PCMT1: variants seen among roughly 807,000 people sequenced by gnomAD.
The protein encoded by PCMT1 is protein-L-isoaspartate(D-aspartate) O-methyltransferase.
In PCMT1, 9 loss-of-function variants were observed where a neutral mutation model predicts 29.2. That is an observed-to-expected ratio of 0.31 (90% confidence interval 0.19 to 0.54). The LOEUF (loss-of-function observed/expected upper bound fraction) is 0.54, where lower values mean the gene tolerates loss of function less well. Ranked by LOEUF, PCMT1 falls within the 20% of genes least tolerant of loss-of-function variation. The pLI, the probability that PCMT1 is intolerant of heterozygous loss-of-function variation, is 0.95. For missense variants in PCMT1, 184 were observed against 282.2 expected, an observed-to-expected ratio of 0.65 and a Z score of 2.49; for synonymous variants, 98 against 97.5, an observed-to-expected ratio of 1.00 and a Z score of -0.03.
At chr6:149,752,036 G>GTTTTTTTT (rs60405304) in intron 1 of PCMT1, among the ~76,000 whole-genome samples, 1 of 122,802 alleles carries the variant, frequency 8.1e-6, no homozygotes, top group Admixed American at 9.5e-5. Context: ...AATTTTTAGG[G>GTTTTTTTT]TTTTTTTTTT....
At chr6:149,766,447 G>T (rs1787088926) in intron 1 of PCMT1, among the ~76,000 whole-genome samples, 1 of 152,164 alleles carries the variant, frequency 6.6e-6, no homozygotes, top group African/African-American at 2.4e-5. Context: ...TTCACCAGTT[G>T]TAAGAATACA....
intron 3 of PCMT1, among the ~76,000 whole-genome samples, chr6:149,785,986 G>A (rs111663648): frequency 3.4e-5 from 5 of 149,060 alleles, no homozygotes; most frequent in South Asian, 2.1e-4. Context: ...AGGGGCGGCC[G>A]GGCAGAGGCG....
At chr6:149,793,229 T>C (rs1788449005) in intron 4 of PCMT1, among the ~76,000 whole-genome samples, 2 of 152,090 alleles carry the variant, frequency 1.3e-5, no homozygotes, top group South Asian at 4.1e-4. Context: ...TTTAAAGTTA[T>C]ACTTTAGATG....
At chr6:149,788,819 T>G (rs764666376) in intron 3 of PCMT1, among the ~76,000 whole-genome samples, 3 of 152,246 alleles carry the variant, frequency 2.0e-5, no homozygotes, top group Non-Finnish European at 4.4e-5. Context: ...TCCACTAGTT[T>G]TAGCTTCCAT....
intron 2 of PCMT1, chr6:149,772,514 A>G (rs1292578049): frequency 4.6e-6 from 2 of 433,992 alleles, no homozygotes; most frequent in Non-Finnish European, 4.5e-6. Flanking sequence ...CAAGCCAAAA[A>G]TATATCAACT....
At chr6:149,778,175 C>T (rs1229146088) in intron 3 of PCMT1, among the ~76,000 whole-genome samples, 1 of 150,844 alleles carries the variant, frequency 6.6e-6, no homozygotes, top group African/African-American at 2.4e-5. Context: ...CTGTGTCTGG[C>T]GTGTTATCAA....
At chr6:149,760,117 A>T (rs1786677559) in intron 1 of PCMT1, among the ~76,000 whole-genome samples, 1 of 151,912 alleles carries the variant, frequency 6.6e-6, no homozygotes. Flanking sequence ...ATTTTTTCCT[A>T]GTGTACTGAT....
chr6:149,765,715 C>G (rs563903621), intron 1 of PCMT1: 25 of 344,122 alleles, frequency 7.3e-5, no homozygotes, highest in Middle Eastern at 9.9e-4. Flanking sequence ...ACCTGTAATA[C>G]CAGCACTTTG....
intron 3 of PCMT1, among the ~76,000 whole-genome samples, chr6:149,786,564 G>A (rs1472487909): frequency 3.8e-5 from 3 of 78,642 alleles, no homozygotes; most frequent in South Asian, 4.0e-4. Flanking sequence ...CAGACGGGGC[G>A]GTTGCCAGGC....
At chr6:149,788,402 A>T (rs991197646) in intron 3 of PCMT1, among the ~76,000 whole-genome samples, 1 of 152,186 alleles carries the variant, frequency 6.6e-6, no homozygotes. Flanking sequence ...TTTGATTGTC[A>T]TGTCTTTTTA....
intron 5 of PCMT1, chr6:149,795,546 T>G: frequency 2.0e-6 from 1 of 488,880 alleles, no homozygotes; most frequent in East Asian, 5.4e-5. Flanking sequence ...TTTGTTTGGA[T>G]CTGGCCGAGA....
At chr6:149,786,048 ACCTC>A (rs1407449715) in intron 3 of PCMT1, among the ~76,000 whole-genome samples, 2 of 121,468 alleles carry the variant, frequency 1.6e-5, no homozygotes, top group African/African-American at 3.3e-5. Flanking sequence ...TGACCCCCCC[ACCTC>A]CCTCCCGGAC....
chr6:149,781,657 C>G (rs1391895421), intron 3 of PCMT1, among the ~76,000 whole-genome samples: 1 of 152,132 alleles, frequency 6.6e-6, no homozygotes, highest in Non-Finnish European at 1.5e-5. Flanking sequence ...TAACTGGCCT[C>G]TTGACCATTT....
intron 1 of PCMT1, chr6:149,765,663 T>G: frequency 2.7e-6 from 1 of 375,908 alleles, no homozygotes; most frequent in Non-Finnish European, 5.1e-6. Flanking sequence ...TTTTATTTTT[T>G]ATTTTTTATT....
Position 149,805,144 on chromosome 6 carries a change from A to C in PCMT1, c.*37+2728A>C, listed in dbSNP as rs1775969044. On this transcript the variant is annotated intron_variant, in intron 7 of 7. Coordinates refer to ENST00000464889, the MANE Select transcript of PCMT1 (RefSeq NM_001360452.2). ...CTAGTTCTGGCTACTTGGGAGGCTG[A>C]GATAAGAGGATCACTTAAGCCCAGA... Among the ~76,000 whole-genome samples, 3 of 152,212 alleles carry C rather than the reference A, an allele frequency of 2.0e-5. No individual in the cohort carries two copies. The South Asian group carries it at 6.2e-4, about 32-fold the overall frequency.
chr6:149,795,267 C>G (rs895166993), intron 5 of PCMT1: 2 of 405,856 alleles, frequency 4.9e-6, no homozygotes, highest in Non-Finnish European at 9.4e-6. Flanking sequence ...ATCACAGTTC[C>G]TCTCGTCCAA....
chr6:149,773,269 C>T (rs964572635), intron 3 of PCMT1, 100 bp downstream of exon 3: 4 of 925,872 alleles, frequency 4.3e-6, no homozygotes, highest in Non-Finnish European at 6.9e-6. Flanking sequence ...ATCAATTTAT[C>T]ATCTATGAGT....
intron 1 of PCMT1, among the ~76,000 whole-genome samples, chr6:149,751,046 T>C (rs1178069398): frequency 6.6e-6 from 1 of 152,214 alleles, no homozygotes; most frequent in Non-Finnish European, 1.5e-5. Flanking sequence ...GCCGGGCTCA[T>C]TGGCTCACGC....
chr6:149,771,122 T>C, intron 1 of PCMT1, 40 bp from the exon 2 acceptor site: 2 of 1,129,558 alleles, frequency 1.8e-6, no homozygotes, highest in African/African-American at 3.0e-5. Context: ...TCTCTGATCA[T>C]GTCTCTCTCT....
Sources: allele counts gnomAD v4.1 joint callset (sites outside exome capture counted in the v4.1 genomes callset), GRCh38; gene constraint gnomAD v4.1.1; transcripts MANE v1.5; gene names NCBI Gene and HGNC (gene_info 2026-07-23, HGNC 2026-07-21).